MAGI2: variants seen among roughly 807,000 people sequenced by gnomAD.
The protein encoded by MAGI2 is membrane associated guanylate kinase, WW and PDZ domain containing 2, also known as membrane-associated guanylate kinase, WW and PDZ domain-containing protein 2.
In MAGI2, 35 loss-of-function variants were observed where a neutral mutation model predicts 133.3. The observed-to-expected ratio is 0.26, with a 90% CI of 0.20 to 0.35. MAGI2 has a LOEUF of 0.35. MAGI2 is among the 10% of genes least tolerant of loss of function. The pLI is 1.00. For synonymous variants in MAGI2, 729 were observed against 710.6 expected (o/e 1.03, Z -0.41); for missense variants, 1,636 against 1,863.4 (o/e 0.88, Z 2.25).
intron 4 of MAGI2, among the ~76,000 whole-genome samples, chr7:78,521,177 AT>A (rs1796466996): frequency 1.3e-5 from 2 of 151,956 alleles, no homozygotes; most frequent in Admixed American, 1.3e-4. Context: ...AGTTGAAAAA[AT>A]ATGCCAAAAA....
At chr7:78,634,734 A>C (rs1393606436) in intron 2 of MAGI2, among the ~76,000 whole-genome samples, 1 of 152,196 alleles carries the variant, frequency 6.6e-6, no homozygotes, top group Non-Finnish European at 1.5e-5. Flanking sequence ...AACAGTAATA[A>C]CAAGTAATTA....
At chr7:78,024,412 T>C (rs938914057) in intron 21 of MAGI2, among the ~76,000 whole-genome samples, 1 of 152,226 alleles carries the variant, frequency 6.6e-6, no homozygotes, top group Non-Finnish European at 1.5e-5. Flanking sequence ...TCGGCTTCTT[T>C]AATAAGTCCA....
At chr7:78,476,625 CA>C (rs1392807647) in intron 6 of MAGI2, among the ~76,000 whole-genome samples, 5 of 151,902 alleles carry the variant, frequency 3.3e-5, no homozygotes, top group African/African-American at 1.2e-4. Context: ...GTTTAGGTAT[CA>C]AAACACAAAA....
chr7:78,591,472 A>G (rs1803995891), intron 3 of MAGI2, among the ~76,000 whole-genome samples: 1 of 152,250 alleles, frequency 6.6e-6, no homozygotes, highest in African/African-American at 2.4e-5. Context: ...TCTATTCCAC[A>G]GAACTCCAGA....
Position 79,214,882 on chromosome 7 carries a change from T to G in MAGI2, c.302-207676A>C, listed in dbSNP as rs963593583. ...AAATATATATTTATAAATTTCAAAA[T>G]TATAAAATTTATAAATTTATAAATA... On this transcript the variant is annotated intron_variant, in intron 1 of 21. Coordinates refer to ENST00000354212, the MANE Select transcript of MAGI2 (RefSeq NM_012301.4). Among the ~76,000 whole-genome samples the G allele has an allele frequency of 2.8e-5, 4 of 145,006 alleles. No individual in the cohort carries two copies. The East Asian group carries it at 8.1e-4, about 29-fold the overall frequency.
chr7:79,167,230 T>C (rs2129548216), intron 1 of MAGI2, among the ~76,000 whole-genome samples: 1 of 152,012 alleles, frequency 6.6e-6, no homozygotes, highest in Admixed American at 6.6e-5. Flanking sequence ...TTTCGCCTCC[T>C]TTTGTTTTAG....
chr7:78,270,938 A>T lies in MAGI2; in HGVS notation c.1409-14357T>A, dbSNP rs1794502762. ...TGATAATTTGACTTCCTCTTTTCCT[A>T]ATTGAATACCTTTTTTTTCTTTCTC... On this transcript the variant is annotated intron_variant, in intron 9 of 21. Coordinates refer to ENST00000354212, the MANE Select transcript of MAGI2 (RefSeq NM_012301.4). Among the ~76,000 whole-genome samples the T allele has an allele frequency of 3.3e-5, 5 of 152,062 alleles. No homozygotes were observed. In the South Asian group the frequency reaches 1.0e-3, roughly 32 times the overall value.
At chr7:78,559,118 G>A (rs1337288073) in intron 3 of MAGI2, among the ~76,000 whole-genome samples, 1 of 101,816 alleles carries the variant, frequency 9.8e-6, no homozygotes, top group Non-Finnish European at 1.8e-5. Flanking sequence ...ACTTTTAGGA[G>A]CTTGCAATCT....
At chr7:78,798,480 C>G (rs998810739) in intron 2 of MAGI2, among the ~76,000 whole-genome samples, 5 of 152,154 alleles carry the variant, frequency 3.3e-5, no homozygotes, top group Non-Finnish European at 5.9e-5. Flanking sequence ...CACCCATGGT[C>G]TCTCCTTAGG....
chr7:78,077,406 A>G (rs1248059762), intron 21 of MAGI2, among the ~76,000 whole-genome samples: 3 of 95,008 alleles, frequency 3.2e-5, no homozygotes, highest in African/African-American at 9.2e-5. Flanking sequence ...TATTGATAAT[A>G]TATATATATA....
chr7:79,386,971 A>ATG (rs1201055443), intron 1 of MAGI2, among the ~76,000 whole-genome samples: 41 of 147,710 alleles, frequency 2.8e-4, no homozygotes, highest in Non-Finnish European at 3.0e-5. Flanking sequence ...GCATCTCAGG[A>ATG]TGTGTGTATT....
intron 6 of MAGI2, among the ~76,000 whole-genome samples, chr7:78,429,424 G>A (rs1343032399): frequency 6.6e-6 from 1 of 152,008 alleles, no homozygotes; most frequent in South Asian, 2.1e-4. Flanking sequence ...AGAGGGTAGG[G>A]GAGGTAGAAT....
At chr7:79,172,306 T>C (rs1562961844) in intron 1 of MAGI2, among the ~76,000 whole-genome samples, 1 of 152,106 alleles carries the variant, frequency 6.6e-6, no homozygotes, top group Admixed American at 6.6e-5. Flanking sequence ...TGGAACATTA[T>C]AGATGTTAAG....
At chr7:79,155,867 T>TA (rs1189947264) in intron 1 of MAGI2, among the ~76,000 whole-genome samples, 5 of 152,082 alleles carry the variant, frequency 3.3e-5, no homozygotes, top group South Asian at 2.1e-4. Flanking sequence ...TACAAAACAT[T>TA]AAAAAAATGT....
intron 6 of MAGI2, among the ~76,000 whole-genome samples, chr7:78,390,509 A>G (rs1795802443): frequency 6.6e-6 from 1 of 152,088 alleles, no homozygotes; most frequent in African/African-American, 2.4e-5. Context: ...CTCTGAAGGC[A>G]CACATGTAGG....
chr7:78,188,935 C>G (rs3807659), intron 12 of MAGI2, among the ~76,000 whole-genome samples: 5 of 151,952 alleles, frequency 3.3e-5, no homozygotes, highest in African/African-American at 1.2e-4. Context: ...GCACCCTAGA[C>G]AGATACTACC....
At chr7:78,165,967 G>A (rs1173324707) in intron 15 of MAGI2, among the ~76,000 whole-genome samples, 5 of 152,152 alleles carry the variant, frequency 3.3e-5, no homozygotes, top group Non-Finnish European at 5.9e-5. Context: ...TACTGATGAA[G>A]CTTTCAAGGA....
At chr7:78,148,091 C>A (rs962573197) in intron 16 of MAGI2, among the ~76,000 whole-genome samples, 2 of 152,014 alleles carry the variant, frequency 1.3e-5, no homozygotes, top group African/African-American at 4.8e-5. Flanking sequence ...TATATGAAAA[C>A]GTTTATAGAA....
chr7:78,192,246 C>T (rs953051853), intron 12 of MAGI2, among the ~76,000 whole-genome samples: 13 of 151,946 alleles, frequency 8.6e-5, no homozygotes, highest in African/African-American at 1.9e-4. Flanking sequence ...CAGGAAAAGA[C>T]ACAAGAATAA....
Sources: allele counts gnomAD v4.1 joint callset (sites outside exome capture counted in the v4.1 genomes callset), GRCh38; gene constraint gnomAD v4.1.1; transcripts MANE v1.5; gene names NCBI Gene and HGNC (gene_info 2026-07-23, HGNC 2026-07-21).